The following PCDHGA3 variants were observed in gnomAD, a reference collection of about 807,000 sequenced individuals.
PCDHGA3 encodes protocadherin gamma subfamily A, 3.
PCDHGA3 carries 40 observed loss-of-function variants against 58.5 expected under a neutral mutation model. The observed-to-expected ratio is 0.68, with a 90% CI of 0.53 to 0.89. The LOEUF is 0.89. Among genes scored for constraint, PCDHGA3 ranks in the 40% least tolerant of loss-of-function variants. PCDHGA3 has a pLI of 0.00. For missense variants in PCDHGA3, 1,223 were observed against 1,195.9 expected (o/e 1.02, Z -0.33); for synonymous variants, 530 against 525.7 (o/e 1.01, Z -0.11).
rs766151180 is a variant in PCDHGA3 at position 141,432,210 on chromosome 5, A to G, written c.2425-62597A>G. On this transcript the variant is annotated intron_variant, in intron 1 of 3. Transcript: ENST00000253812. This position sits in a 1 kb window ranked among gnomAD's most constrained non-coding sequence, Gnocchi z 6.0. Reference sequence around the variant, plus strand: ...GCCCACGACCCCGACTGTGAAGAGAACGCCCAGATCACTTATTCCCTGGCT... The same window carrying G: ...GCCCACGACCCCGACTGTGAAGAGAGCGCCCAGATCACTTATTCCCTGGCT... 1 of 1,614,138 alleles carries G rather than the reference A, an allele frequency of 6.2e-7. No individual in the cohort carries two copies. Among genetic ancestry groups the G allele is most frequent in the Non-Finnish European group, 8.5e-7 (1 of 1,180,018 alleles).
intron 1 of PCDHGA3, among the ~76,000 whole-genome samples, chr5:141,347,835 C>T (rs1758027401): frequency 6.6e-6 from 1 of 151,100 alleles, no homozygotes; most frequent in Non-Finnish European, 1.5e-5. Context: ...ACCTATAGTG[C>T]CTGTTACATA....
rs764067454 is a variant in PCDHGA3 at position 141,413,998 on chromosome 5, G to C, written c.2424+67541G>C. On this transcript the variant is annotated intron_variant, in intron 1 of 3. Coordinates refer to ENST00000253812, the MANE Select transcript of PCDHGA3 (RefSeq NM_018916.4). Reference sequence around the variant, plus strand: ...GACAGTCACAGCCACCGACAGGGACGAAGGTGCCAATGGAGAAGTGACATA... The same window carrying C: ...GACAGTCACAGCCACCGACAGGGACCAAGGTGCCAATGGAGAAGTGACATA... 29 of 1,613,320 alleles carry C rather than the reference G, an allele frequency of 1.8e-5. No individual in the cohort carries two copies. The Admixed American group carries it at 4.8e-4, about 27-fold the overall frequency.
chr5:141,500,877 A>ATTT (rs369345007), intron 2 of PCDHGA3, among the ~76,000 whole-genome samples: 1 of 122,288 alleles, frequency 8.2e-6, no homozygotes, highest in Admixed American at 8.0e-5. Context: ...TTCATTTACA[A>ATTT]TTTTTTTTTT....
In PCDHGA3 at chr5:141,393,293, G is replaced by A. The variant is rs774531655; in HGVS notation, c.2424+46836G>A. On this transcript the variant is annotated intron_variant, in intron 1 of 3. Coordinates refer to ENST00000253812, the MANE Select transcript of PCDHGA3 (RefSeq NM_018916.4). ...ATCCACTCCCAGAAGCTGTTGACCC[G>A]GATGTGGGCGTGAACTCCCTCCAGA... 6.2e-6 allele frequency: 10 copies of A among 1,613,918 alleles called. No homozygotes were observed. The Admixed American group carries it at 8.3e-5, about 13-fold the overall frequency.
chr5:141,484,930 G>A (rs992641330), intron 1 of PCDHGA3: 2 of 501,452 alleles, frequency 4.0e-6, no homozygotes, highest in South Asian at 2.6e-5. Flanking sequence ...CTGCTGTTGG[G>A]ACGTTCTCTG....
chr5:141,365,818 T>A (rs1440466121), intron 1 of PCDHGA3: 1 of 1,613,894 alleles, frequency 6.2e-7, no homozygotes. Context: ...AAGACACATT[T>A]CAGGGGGCGC....
chr5:141,381,826 C>CTTCTTTTTTTTT (rs1777532522), intron 1 of PCDHGA3, among the ~76,000 whole-genome samples: 2 of 74,284 alleles, frequency 2.7e-5, no homozygotes, highest in African/African-American at 1.2e-4. Flanking sequence ...CTTTCTTCTT[C>CTTCTTTTTTTTT]TTTTTTTTTT....
chr5:141,385,962 A>G (rs997092778), intron 1 of PCDHGA3: 1 of 152,264 alleles, frequency 6.6e-6, no homozygotes, highest in Admixed American at 6.5e-5. Context: ...ACTAAAGGCC[A>G]TCGGACAAAA....
chr5:141,394,257 C>A (rs1256817731), intron 1 of PCDHGA3: 1 of 1,613,828 alleles, frequency 6.2e-7, no homozygotes, highest in Non-Finnish European at 8.5e-7. Flanking sequence ...CCCCGACAGC[C>A]AGGAGAATGC....
intron 2 of PCDHGA3, among the ~76,000 whole-genome samples, chr5:141,496,505 A>G (rs1166234572): frequency 1.3e-5 from 2 of 152,144 alleles, no homozygotes; most frequent in Non-Finnish European, 2.9e-5. Flanking sequence ...TGTTGCCACA[A>G]GGACCCAGGA....
rs112078596 is a variant in PCDHGA3, at chr5:141,490,350, G to A, written c.2425-4457G>A. ...GCACACCAGTGGGCACAGTAGTGGG[G>A]TTGTTTAATGTGCGAGACCGGGACT... On this transcript the variant is annotated intron_variant, in intron 1 of 3. Coordinates refer to ENST00000253812, the MANE Select transcript of PCDHGA3 (RefSeq NM_018916.4). The surrounding 1 kb of genome is among the most constrained non-coding windows in gnomAD (Gnocchi z 5.4). 3.5e-5 allele frequency: 57 copies of A among 1,614,086 alleles called. No homozygotes were observed. The highest frequency in any genetic ancestry group is 4.6e-5 in the Non-Finnish European group (54 of 1,180,042).
intron 1 of PCDHGA3, chr5:141,360,604 G>C (rs762984696): frequency 6.2e-7 from 1 of 1,613,982 alleles, no homozygotes; most frequent in Non-Finnish European, 8.5e-7. Context: ...ACTTGACCCA[G>C]CCCTGGATTC....
At chr5:141,364,914 T>A (rs745343647) in intron 1 of PCDHGA3, 1 of 1,613,936 alleles carries the variant, frequency 6.2e-7, no homozygotes, top group Non-Finnish European at 8.5e-7. Flanking sequence ...CCGGAGCTGG[T>A]GTTGGAACAG....
At chr5:141,409,919 G>A in intron 1 of PCDHGA3, 1 of 1,613,346 alleles carries the variant, frequency 6.2e-7, no homozygotes, top group Non-Finnish European at 8.5e-7. Flanking sequence ...TGACGGCTCC[G>A]CGTTCTTCGA....
chr5:141,453,926 T>C (rs1274875429), intron 1 of PCDHGA3, among the ~76,000 whole-genome samples: 1 of 152,256 alleles, frequency 6.6e-6, no homozygotes, highest in Non-Finnish European at 1.5e-5. Flanking sequence ...GATCAGTCAC[T>C]GTGTGCCTAT....
intron 1 of PCDHGA3, chr5:141,427,746 T>A: frequency 7.9e-7 from 1 of 1,272,038 alleles, no homozygotes; most frequent in African/African-American, 1.5e-5. Flanking sequence ...AGTCTCCTAC[T>A]CCATCGTTAC....
chr5:141,482,593 G>A (rs1314658005), intron 1 of PCDHGA3, among the ~76,000 whole-genome samples: 4 of 149,900 alleles, frequency 2.7e-5, no homozygotes, highest in Non-Finnish European at 5.9e-5. Flanking sequence ...GGGACCAAAC[G>A]GGAAAAAACA....
chr5:141,422,400 G>A (rs1207332302), intron 1 of PCDHGA3: 3 of 1,598,664 alleles, frequency 1.9e-6, no homozygotes, highest in South Asian at 2.3e-5. Context: ...CTAACCACCT[G>A]CCTTTTAAAT....
At chr5:141,383,757 T>A (rs557236350) in intron 1 of PCDHGA3, 1 of 1,613,992 alleles carries the variant, frequency 6.2e-7, no homozygotes, top group East Asian at 2.2e-5. Context: ...AAATAACTCC[T>A]AAACTTCCAA....
Sources: allele counts gnomAD v4.1 joint callset (sites outside exome capture counted in the v4.1 genomes callset), GRCh38; gene constraint gnomAD v4.1.1; non-coding constraint Gnocchi (gnomAD v3.1); transcripts MANE v1.5; gene names NCBI Gene and HGNC (gene_info 2026-07-23, HGNC 2026-07-21).